The following ROBO1 variants were observed in gnomAD, a reference collection of about 807,000 sequenced individuals.
ROBO1 encodes the protein roundabout homolog 1.
Under a neutral mutation model 195.9 loss-of-function variants are expected in ROBO1, and 149 were observed. The ratio of observed to expected loss-of-function variants is 0.76; its 90% CI spans 0.67 to 0.87. ROBO1 has a LOEUF of 0.87. Among genes scored for constraint, ROBO1 ranks in the 40% least tolerant of loss-of-function variants. The pLI is 0.00. For synonymous variants in ROBO1, 816 were observed against 733.2 expected (o/e 1.11, Z -1.82); for missense variants, 1,933 against 2,068.3 (o/e 0.93, Z 1.27).
chr3:79,693,139 G>C (rs1947342636), intron 1 of ROBO1, among the ~76,000 whole-genome samples: 1 of 151,426 alleles, frequency 6.6e-6, no homozygotes, highest in Non-Finnish European at 1.5e-5. Context: ...GATTTGAAAG[G>C]CCCTAACCAA....
rs982058900 is a variant in ROBO1 at position 79,262,441 on chromosome 3, T to A, written c.89-136902A>T. On this transcript the variant is annotated intron_variant, in intron 2 of 30. Coordinates refer to ENST00000464233, the MANE Select transcript of ROBO1 (RefSeq NM_002941.4). Reference sequence around the variant, plus strand: ...TAGAGACTGAAATTGCTAATCTGCATTTGATATTTAGAGTACAAGAAAAGA... The same window carrying A: ...TAGAGACTGAAATTGCTAATCTGCAATTGATATTTAGAGTACAAGAAAAGA... Among the ~76,000 whole-genome samples the A allele has an allele frequency of 3.3e-5, 5 of 152,068 alleles. No individual in the cohort carries two copies. In the East Asian group the frequency reaches 7.7e-4, roughly 24 times the overall value.
At chr3:79,640,870 G>A (rs772539723) in intron 1 of ROBO1, among the ~76,000 whole-genome samples, 20 of 152,030 alleles carry the variant, frequency 1.3e-4, no homozygotes, top group Admixed American at 6.6e-4. Context: ...GTTAAATCCC[G>A]GAGCTCACTA....
intron 2 of ROBO1, among the ~76,000 whole-genome samples, chr3:79,470,466 G>A (rs963402316): frequency 2.0e-5 from 3 of 152,088 alleles, no homozygotes; most frequent in Admixed American, 6.5e-5. Flanking sequence ...TGTAAATGAC[G>A]AGTTAATGGG....
At chr3:78,984,583 T>C (rs1479679733) in intron 3 of ROBO1, among the ~76,000 whole-genome samples, 1 of 152,224 alleles carries the variant, frequency 6.6e-6, no homozygotes, top group South Asian at 2.1e-4. Flanking sequence ...CTCTGCTCTT[T>C]TAGCTCTCAG....
At chr3:79,446,154 A>C (rs2039248086) in intron 2 of ROBO1, among the ~76,000 whole-genome samples, 1 of 152,182 alleles carries the variant, frequency 6.6e-6, no homozygotes, top group Non-Finnish European at 1.5e-5. Context: ...ACAAGGATAT[A>C]AATATTCATT....
At chr3:78,781,364 T>G (rs1164008931) in intron 4 of ROBO1, among the ~76,000 whole-genome samples, 1 of 152,204 alleles carries the variant, frequency 6.6e-6, no homozygotes, top group Admixed American at 6.5e-5. Flanking sequence ...CATTTAATTC[T>G]ATCTAGGTAG....
intron 2 of ROBO1, among the ~76,000 whole-genome samples, chr3:79,390,296 C>T (rs1185629846): frequency 6.6e-6 from 1 of 151,028 alleles, no homozygotes; most frequent in African/African-American, 2.4e-5. Flanking sequence ...ACAACAACAA[C>T]AACAAAGGAG....
chr3:79,080,828 T>C (rs557344821), intron 3 of ROBO1, among the ~76,000 whole-genome samples: 1 of 152,224 alleles, frequency 6.6e-6, no homozygotes, highest in Non-Finnish European at 1.5e-5. Context: ...AGAATCTCTG[T>C]TTATTTAAAT....
At chr3:79,295,613 C>T (rs796897116) in intron 2 of ROBO1, among the ~76,000 whole-genome samples, 18 of 151,788 alleles carry the variant, frequency 1.2e-4, no homozygotes, top group African/African-American at 4.1e-4. Flanking sequence ...AAAAAAGAAA[C>T]GTGATTGTCT....
intron 2 of ROBO1, among the ~76,000 whole-genome samples, chr3:79,347,995 T>C (rs968628955): frequency 2.6e-5 from 4 of 152,060 alleles, no homozygotes; most frequent in African/African-American, 9.7e-5. Flanking sequence ...GCAGATCACC[T>C]GAGGTCAAGA....
At chr3:78,923,063 T>G (rs1576406620) in intron 4 of ROBO1, among the ~76,000 whole-genome samples, 1 of 152,292 alleles carries the variant, frequency 6.6e-6, no homozygotes. Context: ...AGTTATCCAA[T>G]TATGCAATTA....
intron 3 of ROBO1, among the ~76,000 whole-genome samples, chr3:79,029,037 T>C (rs1316469264): frequency 2.0e-5 from 3 of 152,018 alleles, no homozygotes; most frequent in South Asian, 2.1e-4. Flanking sequence ...TGGGAGAGTA[T>C]AGTGTTTAAC....
At chr3:79,053,995 CT>C (rs989017186) in intron 3 of ROBO1, among the ~76,000 whole-genome samples, 1 of 152,080 alleles carries the variant, frequency 6.6e-6, no homozygotes, top group African/African-American at 2.4e-5. Context: ...GTATTACAAA[CT>C]TTTTGTACTG....
At chr3:79,695,663 T>C (rs2107118249) in intron 1 of ROBO1, among the ~76,000 whole-genome samples, 1 of 151,626 alleles carries the variant, frequency 6.6e-6, no homozygotes, top group East Asian at 1.9e-4. Flanking sequence ...CATGTGATTT[T>C]GAAGGAATTA....
At chr3:79,344,690 A>G (rs2035041623) in intron 2 of ROBO1, among the ~76,000 whole-genome samples, 1 of 152,098 alleles carries the variant, frequency 6.6e-6, no homozygotes, top group South Asian at 2.1e-4. Context: ...GAAGGCTGTA[A>G]AAATGCATAC....
At chr3:79,678,269 C>A (rs992356911) in intron 1 of ROBO1, among the ~76,000 whole-genome samples, 7 of 151,408 alleles carry the variant, frequency 4.6e-5, no homozygotes, top group African/African-American at 1.7e-4. Flanking sequence ...ACATGAGGAG[C>A]AGATTAGTTA....
intron 2 of ROBO1, among the ~76,000 whole-genome samples, chr3:79,432,419 G>A (rs1342809463): frequency 1.3e-5 from 2 of 152,214 alleles, no homozygotes; most frequent in East Asian, 3.9e-4. Flanking sequence ...ATCACTCATA[G>A]GAATTTCAAA....
At chr3:78,706,143 C>T (rs2107978141) in intron 8 of ROBO1, among the ~76,000 whole-genome samples, 1 of 152,098 alleles carries the variant, frequency 6.6e-6, no homozygotes, top group East Asian at 2.0e-4. Context: ...AAATACCTAA[C>T]TCTCACTCGG....
chr3:79,333,475 T>TA (rs2034537249), intron 2 of ROBO1, among the ~76,000 whole-genome samples: 1 of 151,840 alleles, frequency 6.6e-6, no homozygotes, highest in African/African-American at 2.4e-5. Flanking sequence ...CGTAACCATG[T>TA]AAATCACACA....
Sources: allele counts gnomAD v4.1 joint callset (sites outside exome capture counted in the v4.1 genomes callset), GRCh38; gene constraint gnomAD v4.1.1; transcripts MANE v1.5; gene names NCBI Gene and HGNC (gene_info 2026-07-23, HGNC 2026-07-21).